Variants in MPPED2 observed in about 807,000 individuals in gnomAD.
The protein encoded by MPPED2 is metallophosphoesterase MPPED2.
In MPPED2, 5 loss-of-function variants were observed where a neutral mutation model predicts 33.0. The observed-to-expected ratio is 0.15, with a 90% CI of 0.08 to 0.32. The LOEUF (loss-of-function observed/expected upper bound fraction) is 0.32. Ranked by LOEUF, MPPED2 falls within the 10% of genes least tolerant of loss-of-function variation. The probability of loss-of-function intolerance (pLI) is 1.00; values close to 1 mark genes in which losing one functional copy is unlikely to be tolerated. For synonymous variants in MPPED2, 136 were observed against 141.9 expected (o/e 0.96, Z 0.29); for missense variants, 275 against 372.1 (o/e 0.74, Z 2.15).
chr11:30,586,945 C>T (rs1426122632), upstream of MPPED2: 1 of 152,290 alleles, frequency 6.6e-6, no homozygotes, highest in Non-Finnish European at 1.5e-5. This position sits in a 1 kb window ranked among gnomAD's most constrained non-coding sequence, Gnocchi z 4.8. Flanking sequence ...CACACACACA[C>T]ACACGCTCAC....
chr11:30,399,984 A>G lies in MPPED2; in HGVS notation c.767-11028T>C, dbSNP rs555892899. 3.9e-5 allele frequency among the ~76,000 whole-genome samples: 6 copies of G among 152,344 alleles called. No individual in the cohort carries two copies. In the South Asian group the frequency reaches 1.2e-3, roughly 32 times the overall value. On this transcript the variant is annotated intron_variant, in intron 6 of 6. Coordinates refer to the MPPED2 transcript ENST00000448418. ...GTAACATCTTTCACTGTAATTAGAGATAAGTATTTGTGGAGAGTCTATTTA... is the reference window on the plus strand; with the variant it reads ...GTAACATCTTTCACTGTAATTAGAGGTAAGTATTTGTGGAGAGTCTATTTA...
At chr11:30,489,674 C>A (rs1051608440) in intron 4 of MPPED2, among the ~76,000 whole-genome samples, 1 of 152,188 alleles carries the variant, frequency 6.6e-6, no homozygotes, top group African/African-American at 2.4e-5. Flanking sequence ...TCCACTCTAA[C>A]GTGAAAAAAT....
chr11:30,542,459 C>CAAAAAA (rs59474313), intron 2 of MPPED2, among the ~76,000 whole-genome samples: 1,025 of 77,568 alleles, frequency 0.013, no homozygotes, highest in African/African-American at 0.022. Flanking sequence ...ACCAAAAGTA[C>CAAAAAA]AAAAAAAAAA....
chr11:30,532,592 A>G (rs757356424), intron 3 of MPPED2, among the ~76,000 whole-genome samples: 10 of 152,214 alleles, frequency 6.6e-5, no homozygotes, highest in Non-Finnish European at 1.3e-4. Context: ...CAACCACCGT[A>G]AGGTGTATTA....
intron 2 of MPPED2, among the ~76,000 whole-genome samples, chr11:30,543,792 C>CTTTT: frequency 9.4e-6 from 1 of 106,630 alleles, no homozygotes; most frequent in Non-Finnish European, 1.9e-5. Flanking sequence ...TGGCGTTGTT[C>CTTTT]TTTTTTTTTT....
chr11:30,415,811 A>G (rs1003260494), intron 5 of MPPED2, among the ~76,000 whole-genome samples: 2 of 152,220 alleles, frequency 1.3e-5, no homozygotes, highest in Admixed American at 1.3e-4. Flanking sequence ...ACCAAAATCA[A>G]TGACTTGATA....
chr11:30,559,791 A>G (rs2134705636), intron 2 of MPPED2, among the ~76,000 whole-genome samples: 1 of 152,304 alleles, frequency 6.6e-6, no homozygotes, highest in East Asian at 1.9e-4. Context: ...AAGCACCTAC[A>G]CTGTGTTGGT....
intron 6 of MPPED2, among the ~76,000 whole-genome samples, chr11:30,413,063 G>A (rs1037652955): frequency 2.0e-5 from 3 of 152,134 alleles, no homozygotes; most frequent in Admixed American, 1.3e-4. Context: ...AGGGCAGGCC[G>A]ATATCCACTC....
rs567201289 is a variant in MPPED2, at chr11:30,482,474, C to T, written c.536+12822G>A. On this transcript the variant is annotated intron_variant, in intron 4 of 6. Coordinates refer to ENST00000358117, the MANE Select transcript of MPPED2 (RefSeq NM_001584.3). ...TATGTGGTTAACTGAGGAAAGTTTG[C>T]ACAGCTTGGGAAACATAATTTTTAA... 6.6e-5 allele frequency among the ~76,000 whole-genome samples: 10 copies of T among 152,232 alleles called. No homozygotes were observed. In the South Asian group the frequency reaches 2.1e-3, roughly 32 times the overall value.
At chr11:30,515,313 G>T (rs1360305757) in intron 3 of MPPED2, among the ~76,000 whole-genome samples, 1 of 152,088 alleles carries the variant, frequency 6.6e-6, no homozygotes. Flanking sequence ...AAGCAAGAAG[G>T]TGGTAGTGCA....
chr11:30,563,868 C>A (rs1168566856), intron 2 of MPPED2, among the ~76,000 whole-genome samples: 1 of 152,130 alleles, frequency 6.6e-6, no homozygotes, highest in Non-Finnish European at 1.5e-5. Flanking sequence ...GTGTGGGTAT[C>A]CCCTTATAGG....
chr11:30,393,799 T>C (rs2133698716), intron 6 of MPPED2, among the ~76,000 whole-genome samples: 1 of 152,344 alleles, frequency 6.6e-6, no homozygotes, highest in Admixed American at 6.5e-5. Context: ...ATCCTGTTTT[T>C]AAAGTTAATG....
chr11:30,574,158 A>G (rs1298192366), intron 2 of MPPED2, among the ~76,000 whole-genome samples: 5 of 152,316 alleles, frequency 3.3e-5, no homozygotes, highest in African/African-American at 1.2e-4. Flanking sequence ...CCGCTGACTC[A>G]CTGACTCACT....
rs16920693 is a variant in MPPED2, at chr11:30,450,699, C to A, written c.537-33066G>T. Among the ~76,000 whole-genome samples, 1,123 of 152,300 alleles carry A rather than the reference C, an allele frequency of 7.4e-3. 23 individuals carry two copies. The highest frequency in any genetic ancestry group is 0.026 in the African/African-American group (1,067 of 41,562). On this transcript the variant is annotated intron_variant, in intron 4 of 6. Transcript: ENST00000358117. Reference sequence around the variant, plus strand: ...GAACTTCCTAGGGGCCTGTTCAGCACCCAAGTTTTATATTTAAGAGTTTAA... The same window carrying A: ...GAACTTCCTAGGGGCCTGTTCAGCAACCAAGTTTTATATTTAAGAGTTTAA...
At chr11:30,456,367 T>C (rs1410878403) in intron 4 of MPPED2, among the ~76,000 whole-genome samples, 1 of 152,176 alleles carries the variant, frequency 6.6e-6, no homozygotes, top group Non-Finnish European at 1.5e-5. Flanking sequence ...AATAAACACA[T>C]GGCAATGAGC....
At chr11:30,505,887 A>G (rs908588484) in intron 3 of MPPED2, among the ~76,000 whole-genome samples, 1 of 152,190 alleles carries the variant, frequency 6.6e-6, no homozygotes, top group Non-Finnish European at 1.5e-5. Flanking sequence ...CTCCAAACAC[A>G]TAATTTTAGC....
downstream of MPPED2, among the ~76,000 whole-genome samples, chr11:30,406,691 T>G (rs1695533896): frequency 6.6e-6 from 1 of 152,132 alleles, no homozygotes; most frequent in African/African-American, 2.4e-5. Context: ...ACAAAAATGT[T>G]TTGTGCTAAG....
At chr11:30,568,040 G>A (rs188720922) in intron 2 of MPPED2, among the ~76,000 whole-genome samples, 3 of 152,206 alleles carry the variant, frequency 2.0e-5, no homozygotes, top group African/African-American at 7.2e-5. Context: ...AACTGCAGAA[G>A]CTCATGTTAA....
chr11:30,562,179 T>G (rs74889471), intron 2 of MPPED2, among the ~76,000 whole-genome samples: 290 of 152,286 alleles, frequency 1.9e-3, no homozygotes, highest in East Asian at 0.019. Context: ...CCACAGCATA[T>G]GGCCACATAC....
Sources: gnomAD v4.1 joint callset for allele counts (sites outside exome capture counted in the v4.1 genomes callset) on GRCh38, gnomAD v4.1.1 for gene constraint, Gnocchi (gnomAD v3.1) non-coding constraint, MANE v1.5 for transcripts, NCBI Gene and HGNC (gene_info 2026-07-23, HGNC 2026-07-21) for gene names.